Variants in ANKRD11 observed in about 807,000 individuals in gnomAD.
ANKRD11 encodes ankyrin repeat domain-containing protein 11.
ANKRD11 carries 17 observed loss-of-function variants against 195.7 expected under a neutral mutation model. That is an observed-to-expected ratio of 0.09 (90% CI 0.06 to 0.13). ANKRD11 has a LOEUF of 0.13. ANKRD11 is among the 10% of genes least tolerant of loss of function. The pLI, the probability that ANKRD11 is intolerant of heterozygous loss-of-function variation, is 1.00. For synonymous variants in ANKRD11, 1,953 were observed against 1,528.1 expected, an observed-to-expected ratio of 1.28 and a Z score of -6.49; for missense variants, 3,735 against 3,566.1, an observed-to-expected ratio of 1.05 and a Z score of -1.21.
chr16:89,368,234 T>A (rs1386721088), intron 2 of ANKRD11, among the ~76,000 whole-genome samples: 3 of 151,952 alleles, frequency 2.0e-5, no homozygotes, highest in Non-Finnish European at 4.4e-5. Context: ...CTTGCTCTGT[T>A]GCCCAGGCCA....
chr16:89,288,458 G>T, intron 7 of ANKRD11, 70 bp downstream of exon 7: 2 of 1,610,466 alleles, frequency 1.2e-6, no homozygotes, highest in South Asian at 1.1e-5. Flanking sequence ...CTAGCTACGG[G>T]GAAACAAAGC....
intron 2 of ANKRD11, among the ~76,000 whole-genome samples, chr16:89,348,501 A>C (rs2039049156): frequency 6.6e-6 from 1 of 152,154 alleles, no homozygotes; most frequent in South Asian, 2.1e-4. Context: ...TCTGTTGTGG[A>C]AGGGCTTCTA....
At chr16:89,278,252 G>A (rs1415034924) in intron 9 of ANKRD11, 3 of 347,000 alleles carry the variant, frequency 8.6e-6, no homozygotes, top group African/African-American at 4.3e-5. Flanking sequence ...AGGACAGACG[G>A]GTGGGCTCTG....
rs943784682 is a variant in ANKRD11 at position 89,282,325 on chromosome 16, T to A, written c.4217A>T (p.Tyr1406Phe). 4 of 1,614,096 alleles carry A rather than the reference T, an allele frequency of 2.5e-6. No homozygotes were observed. Among genetic ancestry groups the A allele is most frequent in the Admixed American group, 3.3e-5 (2 of 60,010 alleles). Residue 1406 changes from tyrosine (Y) to phenylalanine (F), a missense_variant, in exon 9 of 13, where the codon TAC becomes TTC. By Grantham distance (22) the Tyr-to-Phe change is conservative (BLOSUM62 3). Transcript: ENST00000301030. The part of the protein sequence containing the change: ...FLEADAYGVS[Y>F]NMKADIEDEL... ...ATCTTCTATGTCAGCTTTCATGTTG[T>A]AAGAAACTCCGTAAGCATCCGCCTC... is the stretch of plus-strand genomic sequence containing the variant.
intron 1 of ANKRD11, among the ~76,000 whole-genome samples, chr16:89,447,326 C>T (rs984394924): frequency 6.6e-6 from 1 of 152,144 alleles, no homozygotes. Context: ...TTATCACAAA[C>T]ACCCCAACAC....
At chr16:89,452,354 G>A (rs2044115736) in intron 1 of ANKRD11, among the ~76,000 whole-genome samples, 1 of 152,154 alleles carries the variant, frequency 6.6e-6, no homozygotes, top group South Asian at 2.1e-4. Context: ...AGCCAAGAGG[G>A]CAAGGTAGGG....
chr16:89,368,459 G>A (rs2152074125), intron 2 of ANKRD11, among the ~76,000 whole-genome samples: 1 of 134,458 alleles, frequency 7.4e-6, no homozygotes, highest in East Asian at 2.3e-4. Flanking sequence ...CTGACCTCGT[G>A]ATCCACCTGC....
At chr16:89,286,625 GGTTGGGGGGACAGAA>G in intron 7 of ANKRD11, 1 of 1,195,958 alleles carries the variant, frequency 8.4e-7, no homozygotes, top group Non-Finnish European at 1.1e-6. Flanking sequence ...TTATGGAAAG[GGTTGGGGGGACAGAA>G]TAGAGGAAAC....
chr16:89,308,453 A>G (rs2036423011), intron 3 of ANKRD11, among the ~76,000 whole-genome samples: 1 of 152,244 alleles, frequency 6.6e-6, no homozygotes, highest in South Asian at 2.1e-4. Context: ...GCCTACAGGC[A>G]CCACCCAACA....
In ANKRD11 at chr16:89,283,889, T is replaced by C. The variant is rs573521787; in HGVS notation, c.2653A>G (p.Ser885Gly). The change falls in exon 9 of 13, where the codon AGC becomes GGC. Residue 885 changes from serine to glycine, a missense_variant. By Grantham distance (56) the Ser-to-Gly change is moderately conservative. Transcript: ENST00000301030. This position sits in a 1 kb window ranked among gnomAD's most constrained non-coding sequence, Gnocchi z 4.3. ...KLILETVKEDSKERRRDSRAR... is the reference protein window; with the variant it reads ...KLILETVKEDGKERRRDSRAR... ...CGGCTGTCCCGCCTCCTCTCCTTGC[T>C]GTCCTCCTTCACCGTCTCCAAGATG... is the stretch of plus-strand genomic sequence containing the variant. 7 of 1,614,214 alleles carry C rather than the reference T, an allele frequency of 4.3e-6. No individual in the cohort carries two copies. The South Asian group carries it at 7.7e-5, about 18-fold the overall frequency.
chr16:89,331,658 T>A (rs1384794120), intron 2 of ANKRD11, among the ~76,000 whole-genome samples: 1 of 152,204 alleles, frequency 6.6e-6, no homozygotes, highest in East Asian at 1.9e-4. Context: ...GTCTCCTCTG[T>A]CGCCCAGGCT....
chr16:89,275,692 G>C (rs1018775299), intron 9 of ANKRD11, among the ~76,000 whole-genome samples: 1 of 152,330 alleles, frequency 6.6e-6, no homozygotes, highest in East Asian at 1.9e-4. Flanking sequence ...AGGGAAGCAC[G>C]CACTGGCCCA....
chr16:89,323,525 A>AGGGCAGGGGGGCTGAGCCCG (rs2037486151), intron 2 of ANKRD11, among the ~76,000 whole-genome samples: 1 of 78,986 alleles, frequency 1.3e-5, no homozygotes, highest in Admixed American at 1.5e-4. Flanking sequence ...GGCTGAGCCG[A>AGGGCAGGGGGGCTGAGCCCG]GGGCAGGGGG....
chr16:89,274,995 C>A (rs1351644710), intron 10 of ANKRD11, 38 bp from the exon 11 acceptor site: 1 of 1,612,808 alleles, frequency 6.2e-7, no homozygotes, highest in East Asian at 2.2e-5. Flanking sequence ...TGGGACACAG[C>A]CACGCTCCAG....
rs1203149136 is a variant in ANKRD11, at chr16:89,280,398, G to C, written c.6144C>G (p.Ile2048Met). The change falls in exon 9 of 13, where the codon ATC becomes ATG. Residue 2048 changes from isoleucine (I) to methionine (M), a missense_variant. Ile to Met is a conservative substitution (Grantham distance 10, BLOSUM62 1). Coordinates refer to ENST00000301030, the MANE Select transcript of ANKRD11 (RefSeq NM_013275.6). ...KDGVDAVPAA[I>M]STSEAAPYAP... is the part of the protein sequence containing the mutation. ...CGTAGGGAGCCGCCTCTGAGGTGGA[G>C]ATGGCGGCGGGGACGGCGTCCACTC... The C allele has an allele frequency of 1.9e-6, 3 of 1,560,896 alleles. No individual in the cohort carries two copies. The highest frequency in any genetic ancestry group is 2.3e-5 in the East Asian group (1 of 44,270).
chr16:89,284,013 A>G lies in ANKRD11; in HGVS notation c.2529T>C (p.Ser843=). 6.2e-7 allele frequency: 1 copy of G among 1,614,202 alleles called. No individual in the cohort carries two copies. The highest frequency in any genetic ancestry group is 8.5e-7 in the Non-Finnish European group (1 of 1,180,046). The change falls in exon 9 of 13, where the codon TCT becomes TCC. Residue 843 remains serine, a synonymous_variant. Coordinates refer to ENST00000301030, the MANE Select transcript of ANKRD11 (RefSeq NM_013275.6). The stretch of plus-strand genomic sequence containing the variant: ...AATCAAAGGATGAATCGGACAAGTC[A>G]GAAAACCACCGATCTCGCTGATCGT... ...LSDDQRDRWF[S]DLSDSSFDFK...
At chr16:89,451,952 C>T (rs193096386) in intron 1 of ANKRD11, among the ~76,000 whole-genome samples, 3 of 152,234 alleles carry the variant, frequency 2.0e-5, no homozygotes, top group Admixed American at 2.0e-4. Context: ...CAAAATTTAA[C>T]CTCTGGTATC....
At chr16:89,369,181 T>C (rs2040083580) in intron 2 of ANKRD11, among the ~76,000 whole-genome samples, 1 of 152,080 alleles carries the variant, frequency 6.6e-6, no homozygotes, top group South Asian at 2.1e-4. Context: ...CAAGAAGTTT[T>C]CCCAAGAGAG....
chr16:89,385,093 C>T lies in ANKRD11; in HGVS notation c.-60+33191G>A, dbSNP rs548342866. Among the ~76,000 whole-genome samples the T allele has an allele frequency of 5.3e-5, 8 of 151,974 alleles. No homozygotes were observed. In the East Asian group the frequency reaches 1.4e-3, roughly 26 times the overall value. On this transcript the variant is annotated intron_variant, in intron 2 of 12. Coordinates refer to ENST00000301030, the MANE Select transcript of ANKRD11 (RefSeq NM_013275.6). ...TAGAGACGATATTTCACCATGTTGGCCAGGCTGGTCTTGAACTCTTGACCT... is the reference window on the plus strand; with the variant it reads ...TAGAGACGATATTTCACCATGTTGGTCAGGCTGGTCTTGAACTCTTGACCT...
Sources: gnomAD v4.1 joint callset for allele counts (sites outside exome capture counted in the v4.1 genomes callset) on GRCh38, gnomAD v4.1.1 for gene constraint, Gnocchi (gnomAD v3.1) non-coding constraint, MANE v1.5 for transcripts, NCBI Gene and HGNC (gene_info 2026-07-23, HGNC 2026-07-21) for gene names.